GRIK4: variants seen among roughly 807,000 people sequenced by gnomAD.
GRIK4 encodes the protein glutamate receptor ionotropic, kainate 4.
In GRIK4, 40 loss-of-function variants were observed where a neutral mutation model predicts 104.9. The ratio of observed to expected loss-of-function variants is 0.38; its 90% CI spans 0.30 to 0.50. The LOEUF (loss-of-function observed/expected upper bound fraction) is 0.50, where lower values mean the gene tolerates loss of function less well. GRIK4 is among the 20% of genes least tolerant of loss of function. The probability of loss-of-function intolerance (pLI) is 0.93; values close to 1 mark genes in which losing one functional copy is unlikely to be tolerated. For synonymous variants in GRIK4, 485 were observed against 524.9 expected, an observed-to-expected ratio of 0.92 and a Z score of 1.04; for missense variants, 1,047 against 1,308.1, an observed-to-expected ratio of 0.80 and a Z score of 3.08.
At chr11:120,596,013 A>C (rs1296153484) in intron 1 of GRIK4, among the ~76,000 whole-genome samples, 1 of 151,994 alleles carries the variant, frequency 6.6e-6, no homozygotes, top group Non-Finnish European at 1.5e-5. Flanking sequence ...CGGTCAGCTA[A>C]TTTTTGTATT....
At chr11:120,578,435 G>A (rs1413109985) in intron 1 of GRIK4, among the ~76,000 whole-genome samples, 2 of 152,154 alleles carry the variant, frequency 1.3e-5, no homozygotes, top group African/African-American at 4.8e-5. Flanking sequence ...TGGACACCAA[G>A]AGGTTCTGCC....
chr11:120,945,990 C>T (rs988714252), intron 14 of GRIK4, among the ~76,000 whole-genome samples: 22 of 152,234 alleles, frequency 1.4e-4, no homozygotes, highest in African/African-American at 4.8e-4. Context: ...CCTGGCACAT[C>T]AGCTCATCTC....
chr11:120,693,893 G>A lies in GRIK4; in HGVS notation c.82+33493G>A, dbSNP rs116555488. Among the ~76,000 whole-genome samples, 1,187 of 152,268 alleles carry A rather than the reference G, an allele frequency of 7.8e-3. 16 individuals carry two copies. Among genetic ancestry groups the A allele is most frequent in the South Asian group, 0.054 (260 of 4,824 alleles). ...AGCAGAGGAGAGCGGTGCATTTGCC[G>A]TGTAGATGCACCTCTGAGACAAGGG... On this transcript the variant is annotated intron_variant, in intron 3 of 20. Transcript: ENST00000527524.
chr11:120,553,165 T>TAA (rs928543703), intron 1 of GRIK4, among the ~76,000 whole-genome samples: 3 of 152,118 alleles, frequency 2.0e-5, no homozygotes, highest in African/African-American at 7.2e-5. Context: ...AGGCAGTAGG[T>TAA]AAAGGGTTTG....
intron 13 of GRIK4, among the ~76,000 whole-genome samples, chr11:120,925,711 C>T (rs1446246832): frequency 6.6e-6 from 1 of 152,084 alleles, no homozygotes; most frequent in Admixed American, 6.5e-5. Context: ...GTGGCTCACG[C>T]CTGTAATCCC....
intron 14 of GRIK4, among the ~76,000 whole-genome samples, chr11:120,948,401 G>A (rs1290561633): frequency 1.3e-5 from 2 of 152,276 alleles, no homozygotes; most frequent in East Asian, 3.9e-4. Context: ...CTAAGCTACA[G>A]AGCCCTAACA....
In GRIK4 at chr11:120,967,177, C is replaced by G; in HGVS notation, c.2267-18C>G. On this transcript the variant is annotated intron_variant, in intron 18 of 20. Transcript: ENST00000527524. The surrounding 1 kb of genome is among the most constrained non-coding windows in gnomAD (Gnocchi z 4.2). ...GCATTCACAACCTGTGTCCTGGGCTCTCCCGTAACCCCCGCAGGCTCGGTT... is the reference window on the plus strand; with the variant it reads ...GCATTCACAACCTGTGTCCTGGGCTGTCCCGTAACCCCCGCAGGCTCGGTT... The G allele has an allele frequency of 1.2e-6, 2 of 1,607,524 alleles. No individual in the cohort carries two copies. The highest frequency in any genetic ancestry group is 1.1e-5 in the South Asian group (1 of 89,454).
intron 3 of GRIK4, among the ~76,000 whole-genome samples, chr11:120,795,522 G>A (rs1952493557): frequency 6.6e-6 from 1 of 152,218 alleles, no homozygotes; most frequent in Middle Eastern, 3.2e-3. Context: ...TTGAATTATT[G>A]ATTCACTCAA....
chr11:120,887,073 C>G (rs1955138786), intron 11 of GRIK4, among the ~76,000 whole-genome samples: 4 of 152,242 alleles, frequency 2.6e-5, no homozygotes, highest in Admixed American at 2.6e-4. Context: ...GTTCTTCTAT[C>G]TATTGGGCAG....
At chr11:120,748,540 C>T (rs1951488791) in intron 3 of GRIK4, among the ~76,000 whole-genome samples, 1 of 152,054 alleles carries the variant, frequency 6.6e-6, no homozygotes, top group Non-Finnish European at 1.5e-5. Context: ...GTCTAGGAAG[C>T]ACCTGGCACA....
chr11:120,859,922 A>G (rs1954217094), intron 8 of GRIK4, among the ~76,000 whole-genome samples: 1 of 152,224 alleles, frequency 6.6e-6, no homozygotes, highest in South Asian at 2.1e-4. Context: ...GTGTAAGCTA[A>G]TGAAGCTGGG....
chr11:120,660,514 C>T, intron 3 of GRIK4, 114 bp downstream of exon 3: 2 of 745,988 alleles, frequency 2.7e-6, no homozygotes, highest in South Asian at 1.7e-5. Context: ...GCACTGTGCC[C>T]TCCCTGAGTG....
intron 16 of GRIK4, among the ~76,000 whole-genome samples, chr11:120,958,235 C>A (rs560577933): frequency 1.3e-5 from 2 of 152,374 alleles, no homozygotes; most frequent in South Asian, 4.1e-4. Flanking sequence ...TCTACCCTTA[C>A]CCCAGGAAAT....
At chr11:120,910,003 T>C (rs1253322490) in intron 13 of GRIK4, among the ~76,000 whole-genome samples, 1 of 152,216 alleles carries the variant, frequency 6.6e-6, no homozygotes. Flanking sequence ...AATGGATTCA[T>C]GTCATCATCG....
intron 4 of GRIK4, among the ~76,000 whole-genome samples, chr11:120,805,904 G>A (rs1024796059): frequency 1.3e-5 from 2 of 152,216 alleles, no homozygotes; most frequent in Non-Finnish European, 2.9e-5. Flanking sequence ...CTTTGGCGAG[G>A]CTGTGTGGTA....
intron 1 of GRIK4, among the ~76,000 whole-genome samples, chr11:120,581,858 G>A (rs1948585171): frequency 6.6e-6 from 1 of 151,468 alleles, no homozygotes; most frequent in Non-Finnish European, 1.5e-5. Flanking sequence ...CCAGGCTGGA[G>A]TGCAGTGGCG....
At chr11:120,834,060 A>G (rs1367250715) in intron 7 of GRIK4, among the ~76,000 whole-genome samples, 1 of 152,334 alleles carries the variant, frequency 6.6e-6, no homozygotes, top group East Asian at 1.9e-4. Flanking sequence ...AAATCTTTAT[A>G]CACATTCATG....
Position 120,586,622 on chromosome 11 carries a change from A to G in GRIK4, c.-158-67063A>G, listed in dbSNP as rs1948667859. On this transcript the variant is annotated intron_variant, in intron 1 of 20. Coordinates refer to ENST00000527524, the MANE Select transcript of GRIK4 (RefSeq NM_014619.5). The stretch of plus-strand genomic sequence containing the variant: ...TTACTGCCAGATGCCGAGTGTGTGG[A>G]CTCAGCGGTGCTTGGGATGGGAAGT... Among the ~76,000 whole-genome samples the G allele has an allele frequency of 2.0e-5, 3 of 152,150 alleles. No homozygotes were observed. In the South Asian group the frequency reaches 6.2e-4, roughly 32 times the overall value.
chr11:120,746,082 A>G (rs1245541249), intron 3 of GRIK4, among the ~76,000 whole-genome samples: 1 of 152,186 alleles, frequency 6.6e-6, no homozygotes, highest in African/African-American at 2.4e-5. Context: ...GTGAAAAGTA[A>G]ATGTGATAGC....
Sources: allele counts gnomAD v4.1 joint callset (sites outside exome capture counted in the v4.1 genomes callset), GRCh38; gene constraint gnomAD v4.1.1; non-coding constraint Gnocchi (gnomAD v3.1); transcripts MANE v1.5; gene names NCBI Gene and HGNC (gene_info 2026-07-23, HGNC 2026-07-21).